STUM: variants seen among roughly 807,000 people sequenced by gnomAD.
The protein encoded by STUM is stum, mechanosensory transduction mediator homolog.
A neutral mutation model predicts 15.3 loss-of-function variants in STUM; 8 were observed. The observed-to-expected ratio is 0.52, with a 90% confidence interval of 0.31 to 0.94. The LOEUF (loss-of-function observed/expected upper bound fraction) is 0.94, where lower values mean the gene tolerates loss of function less well. Among genes scored for constraint, STUM ranks in the 40% least tolerant of loss-of-function variants. The pLI, the probability that STUM is intolerant of heterozygous loss-of-function variation, is 0.05. For synonymous variants in STUM, 78 were observed against 88.7 expected (o/e 0.88, Z 0.68); for missense variants, 142 against 204.9 (o/e 0.69, Z 1.87).
At chr1:226,581,507 G>A (rs552985656) in intron 1 of STUM, among the ~76,000 whole-genome samples, 21 of 152,286 alleles carry the variant, frequency 1.4e-4, no homozygotes, top group African/African-American at 4.8e-4. Flanking sequence ...CGTGGCAGAG[G>A]GCATCACTTG....
At position 226,567,368 on chromosome 1, in the gene STUM, A is replaced by G. The variant is rs937804142; in HGVS notation, c.202+18262A>G. On this transcript the variant is annotated intron_variant, in intron 1 of 3. Transcript: ENST00000366788. The surrounding 1 kb of genome is among the most constrained non-coding windows in gnomAD (Gnocchi z 4.5). ...CTAAAATGCTGAACATTTGCAGTGGAAAATAACGGAAAATAGAAACACAAC... is the reference window on the plus strand; with the variant it reads ...CTAAAATGCTGAACATTTGCAGTGGGAAATAACGGAAAATAGAAACACAAC... Among the ~76,000 whole-genome samples the G allele has an allele frequency of 2.6e-5, 4 of 152,374 alleles. No homozygotes were observed. Among genetic ancestry groups the G allele is most frequent in the Admixed American group, 6.5e-5 (1 of 15,308 alleles).
At chr1:226,569,329 C>G (rs1226565197) in intron 1 of STUM, among the ~76,000 whole-genome samples, 3 of 152,180 alleles carry the variant, frequency 2.0e-5, no homozygotes, top group Non-Finnish European at 4.4e-5. Context: ...TGGGGTGAAG[C>G]CAGCCCTCCC....
At chr1:226,553,897 G>A in intron 1 of STUM, among the ~76,000 whole-genome samples, 1 of 152,220 alleles carries the variant, frequency 6.6e-6, no homozygotes, top group East Asian at 1.9e-4. Flanking sequence ...CAACATAAAA[G>A]AAGTTGGAAA....
chr1:226,597,512 C>A (rs564697484), intron 2 of STUM: 2 of 468,200 alleles, frequency 4.3e-6, no homozygotes, highest in South Asian at 3.1e-5. Flanking sequence ...GTCCTATACC[C>A]CCCAAAACCA....
At chr1:226,596,610 T>G in intron 1 of STUM, among the ~76,000 whole-genome samples, 192 bp from the exon 2 acceptor site, 1 of 152,146 alleles carries the variant, frequency 6.6e-6, no homozygotes, top group East Asian at 1.9e-4. Flanking sequence ...CCCACTGAAC[T>G]CTGCAGTATG....
In STUM at chr1:226,600,769, C is replaced by T. The variant is rs1668251393; in HGVS notation, c.391+95C>T. 7.3e-7 allele frequency: 1 copy of T among 1,363,606 alleles called. No individual in the cohort carries two copies. The highest frequency in any genetic ancestry group is 1.0e-6 in the Non-Finnish European group (1 of 962,948). The allele number at this position is 1,363,606 out of a possible 1,614,324, so 84.5% of individuals were successfully genotyped here. A position where few individuals can be genotyped will look rare whatever the true frequency, so the allele number is the denominator to read the frequency against. ...CTCCTGCACACAAACACCCCACCCA[C>T]TCTCCCAGTGGGTCAATGGGCTTTT... On this transcript the variant is annotated intron_variant, in intron 3 of 3. Transcript: ENST00000366788. The surrounding 1 kb of genome is among the most constrained non-coding windows in gnomAD (Gnocchi z 5.2).
chr1:226,558,709 G>T (rs1667491495), intron 1 of STUM, among the ~76,000 whole-genome samples: 1 of 152,214 alleles, frequency 6.6e-6, no homozygotes. Context: ...GTGTGTTTGT[G>T]TGCACAAATG....
rs1295212178 is a variant in STUM, at chr1:226,608,492, A to T, written c.*6452A>T. 6.6e-6 allele frequency: 1 copy of T among 152,066 alleles called. No homozygotes were observed. The highest frequency in any genetic ancestry group is 1.9e-4 in the East Asian group (1 of 5,176). 9.4% of individuals were successfully genotyped at this position (152,066 alleles called of 1,614,324 possible). The stretch of plus-strand genomic sequence containing the variant: ...CAAAACAACTGGTTCTGTGTGTATC[A>T]ACTTAATTTGCATATGAATGAGTGT... On this transcript the variant is annotated 3_prime_UTR_variant, in exon 4 of 4. Transcript: ENST00000366788. This position sits in a 1 kb window ranked among gnomAD's most constrained non-coding sequence, Gnocchi z 4.0.
chr1:226,564,277 T>A (rs1667586046), intron 1 of STUM, among the ~76,000 whole-genome samples: 1 of 152,246 alleles, frequency 6.6e-6, no homozygotes, highest in Non-Finnish European at 1.5e-5. Flanking sequence ...GGAGCTAGGT[T>A]ACCCTGTTTC....
chr1:226,596,110 A>G (rs1668175737), intron 1 of STUM, among the ~76,000 whole-genome samples: 1 of 152,164 alleles, frequency 6.6e-6, no homozygotes, highest in African/African-American at 2.4e-5. Context: ...GAAGAATGTG[A>G]CCGCACCCAC....
intron 1 of STUM, among the ~76,000 whole-genome samples, chr1:226,579,431 T>A (rs1426017561): frequency 6.6e-6 from 1 of 152,126 alleles, no homozygotes; most frequent in African/African-American, 2.4e-5. Context: ...CCTGTCCATG[T>A]GGTGCTTCCT....
chr1:226,588,417 C>T (rs1162146988), intron 1 of STUM, among the ~76,000 whole-genome samples: 1 of 152,218 alleles, frequency 6.6e-6, no homozygotes, highest in Non-Finnish European at 1.5e-5. Context: ...CACAGGATAT[C>T]CCATATCTTC....
At chr1:226,599,266 G>T (rs1171481201) in intron 2 of STUM, among the ~76,000 whole-genome samples, 3 of 152,154 alleles carry the variant, frequency 2.0e-5, no homozygotes. Context: ...CCTCATTCTT[G>T]CCCACTGCCT....
chr1:226,583,788 C>T (rs1215897580), intron 1 of STUM, among the ~76,000 whole-genome samples: 1 of 152,178 alleles, frequency 6.6e-6, no homozygotes, highest in East Asian at 1.9e-4. Flanking sequence ...CTTGGTGAGG[C>T]AGGGCTCTGG....
At chr1:226,570,558 C>G (rs1008154542) in intron 1 of STUM, among the ~76,000 whole-genome samples, 1 of 152,230 alleles carries the variant, frequency 6.6e-6, no homozygotes, top group African/African-American at 2.4e-5. Flanking sequence ...GTTTCCACCC[C>G]ACAGGGGCCA....
In STUM at chr1:226,549,142, C is replaced by A. The variant is rs1667326030; in HGVS notation, c.202+36C>A. 9 of 1,540,340 alleles carry A rather than the reference C, an allele frequency of 5.8e-6. No individual in the cohort carries two copies. Among genetic ancestry groups the A allele is most frequent in the Admixed American group, 1.9e-5 (1 of 51,358 alleles). On this transcript the variant is annotated intron_variant, in intron 1 of 3. Coordinates refer to ENST00000366788, the MANE Select transcript of STUM (RefSeq NM_001003665.4). This position sits in a 1 kb window ranked among gnomAD's most constrained non-coding sequence, Gnocchi z 6.8. ...GCTGCCGCGACCCTTGCGACCCCCA[C>A]CCCGCCGCGGGAGGGCGTGGGGGGA...
At chr1:226,562,357 T>G (rs2102689452) in intron 1 of STUM, among the ~76,000 whole-genome samples, 1 of 151,918 alleles carries the variant, frequency 6.6e-6, no homozygotes, top group African/African-American at 2.4e-5. Context: ...TAGTCTCAGT[T>G]ACTCGGGAGG....
intron 1 of STUM, among the ~76,000 whole-genome samples, chr1:226,578,710 G>A (rs1012353568): frequency 9.2e-5 from 14 of 152,064 alleles, no homozygotes; most frequent in Non-Finnish European, 7.4e-5. Flanking sequence ...AGTCTGACTC[G>A]GTGAAGGCCA....
chr1:226,564,110 A>G (rs545899801), intron 1 of STUM, among the ~76,000 whole-genome samples: 79 of 152,308 alleles, frequency 5.2e-4, no homozygotes, highest in Non-Finnish European at 9.4e-4. Context: ...AAAACTCAGG[A>G]AAGTCTTGAG....
Sources: allele counts gnomAD v4.1 joint callset (sites outside exome capture counted in the v4.1 genomes callset), GRCh38; gene constraint gnomAD v4.1.1; non-coding constraint Gnocchi (gnomAD v3.1); transcripts MANE v1.5; gene names NCBI Gene and HGNC (gene_info 2026-07-23, HGNC 2026-07-21).